Variants in MPV17L observed in about 807,000 individuals in gnomAD.
MPV17L encodes MPV17 mitochondrial inner membrane protein like.
In MPV17L, 24 loss-of-function variants were observed where a neutral mutation model predicts 25.8. That is an observed-to-expected ratio of 0.93 (90% CI 0.67 to 1.31). MPV17L has a LOEUF of 1.31. Ranked by LOEUF, MPV17L falls within the 50% of genes most tolerant of loss-of-function variation. MPV17L has a pLI of 0.00. For synonymous variants in MPV17L, 102 were observed against 115.3 expected (o/e 0.88, Z 0.74); for missense variants, 250 against 265.6 (o/e 0.94, Z 0.41).
rs1181855897 is a variant in MPV17L, at chr16:15,396,147, G to A, written c.250G>A (p.Ala84Thr). ...GGGCCGAGCGCCGCACGCCCTGCTGGCCAAGTTGCTGTGCGACCAGGTGGT... is the reference window on the plus strand; with the variant it reads ...GGGCCGAGCGCCGCACGCCCTGCTGACCAAGTTGCTGTGCGACCAGGTGGT... ...LPGRAPHALL[A>T]KLLCDQVVGA... Residue 84 changes from alanine to threonine, a missense_variant, in exon 1 of 4, where the codon GCC (alanine) becomes ACC (threonine). Transcript: ENST00000396385. 1 of 1,549,466 alleles carries A rather than the reference G, an allele frequency of 6.5e-7. No individual in the cohort carries two copies. The highest frequency in any genetic ancestry group is 2.0e-5 in the Admixed American group (1 of 51,098).
intron 1 of MPV17L, among the ~76,000 whole-genome samples, chr16:15,398,522 C>T (rs1003790600): frequency 8.6e-5 from 13 of 151,962 alleles, no homozygotes; most frequent in Non-Finnish European, 1.8e-4. Flanking sequence ...CCAGGCCAAG[C>T]TCTCTGATAC....
chr16:15,399,603 T>C (rs1016604373), intron 1 of MPV17L: 1 of 283,108 alleles, frequency 3.5e-6, no homozygotes, highest in Non-Finnish European at 7.0e-6. Flanking sequence ...GACAAGGTCT[T>C]GATATATTGC....
rs1476111816 is a variant in MPV17L, at chr16:15,409,999, C to T, written c.*1887C>T. 1 of 152,152 alleles carries T rather than the reference C, an allele frequency of 6.6e-6. No individual in the cohort carries two copies. Among genetic ancestry groups the T allele is most frequent in the Admixed American group, 6.6e-5 (1 of 15,256 alleles). 9.4% of individuals were successfully genotyped at this position (152,152 alleles called of 1,614,324 possible). On this transcript the variant is annotated 3_prime_UTR_variant, in exon 4 of 4. Coordinates refer to ENST00000396385, the MANE Select transcript of MPV17L (RefSeq NM_001128423.2). ...TGAAATAAAATACTTGGTTTCTTTTCCAATTTCACACTGATGTTATTTTGT... is the reference window on the plus strand; with the variant it reads ...TGAAATAAAATACTTGGTTTCTTTTTCAATTTCACACTGATGTTATTTTGT...
chr16:15,401,074 ATATATATATATAT>A (rs1316601843), intron 2 of MPV17L, among the ~76,000 whole-genome samples: 3 of 28,360 alleles, frequency 1.1e-4, no homozygotes, highest in Non-Finnish European at 2.0e-4. Flanking sequence ...ATATATATAT[ATATATATATATAT>A]TTTTTTTTTT....
intron 1 of MPV17L, among the ~76,000 whole-genome samples, chr16:15,396,983 A>G (rs1036296626): frequency 6.6e-6 from 1 of 152,100 alleles, no homozygotes; most frequent in African/African-American, 2.4e-5. Flanking sequence ...TACTGCATAC[A>G]ATAAGAACAA....
intron 2 of MPV17L, among the ~76,000 whole-genome samples, chr16:15,401,070 ATATATATATATATATATTTTTTTT>A (rs2050631837): frequency 3.8e-5 from 1 of 26,438 alleles, no homozygotes; most frequent in African/African-American, 9.0e-5. Flanking sequence ...ATATATATAT[ATATATATATATATATATTTTTTTT>A]TTTTTTTTTT....
chr16:15,407,968 AACAG>A lies in MPV17L; in HGVS notation c.448_451del (p.Thr150LeufsTer72). The A allele has an allele frequency of 6.2e-7, 1 of 1,613,972 alleles. No homozygotes were observed. ...TCAGCCTTGTTCCTGTTCAATGGAG[AACAG>A]CTTACGCTGGAGTCTGTGGTTTTCT... is the stretch of plus-strand genomic sequence containing the variant. On this transcript the variant is annotated frameshift_variant, in exon 4 of 4. Transcript: ENST00000396385. LOFTEE classifies it high-confidence loss of function.
intron 1 of MPV17L, among the ~76,000 whole-genome samples, chr16:15,397,634 C>G (rs567782779): frequency 6.6e-6 from 1 of 152,224 alleles, no homozygotes; most frequent in Admixed American, 6.5e-5. Context: ...GATCTCCCCC[C>G]AAATGGGAGG....
intron 2 of MPV17L, among the ~76,000 whole-genome samples, chr16:15,405,223 G>A (rs78586622): frequency 0.012 from 1,766 of 151,376 alleles, 35 homozygotes; most frequent in African/African-American, 0.041. Context: ...ATTCTGACAA[G>A]AAAAAAAACA....
intron 1 of MPV17L, among the ~76,000 whole-genome samples, chr16:15,399,860 A>G (rs1697541308): frequency 6.6e-6 from 1 of 151,962 alleles, no homozygotes; most frequent in African/African-American, 2.4e-5. Context: ...TGGGTTGTGT[A>G]GTGGTACAAT....
rs1567433833 is a variant in MPV17L, at chr16:15,407,928, T to A, written c.412-5T>A. The A allele has an allele frequency of 1.2e-6, 2 of 1,613,782 alleles. No individual in the cohort carries two copies. The highest frequency in any genetic ancestry group is 8.5e-7 in the Non-Finnish European group (1 of 1,180,016). Reference sequence around the variant, plus strand: ...TGGCCCTAACGGACTCTCTCTCTGTTCCAGCTGACCAACTTCAGCCTTGTT... The same window carrying A: ...TGGCCCTAACGGACTCTCTCTCTGTACCAGCTGACCAACTTCAGCCTTGTT... On this transcript the variant is annotated splice_region_variant and splice_polypyrimidine_tract_variant and intron_variant, in intron 3 of 3. Transcript: ENST00000396385.
intron 2 of MPV17L, among the ~76,000 whole-genome samples, chr16:15,401,111 T>TTTTTA (rs1390823386): frequency 3.2e-5 from 4 of 125,102 alleles, no homozygotes; most frequent in Non-Finnish European, 6.6e-5. Flanking sequence ...TTTTTTTTTT[T>TTTTTA]AATTAAAAAA....
At chr16:15,398,163 C>A (rs2050603343) in intron 1 of MPV17L, among the ~76,000 whole-genome samples, 1 of 152,052 alleles carries the variant, frequency 6.6e-6, no homozygotes, top group Admixed American at 6.6e-5. Flanking sequence ...CCTGCCTCAG[C>A]CTACCAAGTA....
At position 15,409,846 on chromosome 16, in the gene MPV17L, T is replaced by C. The variant is rs888642804; in HGVS notation, c.*1734T>C. 6.6e-6 allele frequency: 1 copy of C among 152,122 alleles called. No individual in the cohort carries two copies. The highest frequency in any genetic ancestry group is 2.4e-5 in the African/African-American group (1 of 41,420). 9.4% of individuals were successfully genotyped at this position (152,122 alleles called of 1,614,324 possible). ...ACATTTTTTATTATCAAAAACAGAG[T>C]AGTGTATGATTGGCGTATTCTGTGT... On this transcript the variant is annotated 3_prime_UTR_variant, in exon 4 of 4. Transcript: ENST00000396385.
chr16:15,404,466 C>T (rs2050664390), intron 2 of MPV17L, among the ~76,000 whole-genome samples: 1 of 152,098 alleles, frequency 6.6e-6, no homozygotes. Flanking sequence ...GAGGCTGAAG[C>T]AGGAGGATCC....
rs531756682 is a variant in MPV17L, at chr16:15,407,868, C to T, written c.411+15C>T. 1.6e-5 allele frequency: 26 copies of T among 1,613,176 alleles called. No homozygotes were observed. In the South Asian group the frequency reaches 2.7e-4, roughly 17 times the overall value. On this transcript the variant is annotated intron_variant, in intron 3 of 3. Transcript: ENST00000396385. ...CCTTTGTACAGGTAAGTTCCACCTA[C>T]TCAGTAATATGAACTCAGGGCTTTG...
Position 15,396,116 on chromosome 16 carries a change from G to A in MPV17L, c.219G>A (p.Ala73=). 1.3e-6 allele frequency: 2 copies of A among 1,545,468 alleles called. No homozygotes were observed. The highest frequency in any genetic ancestry group is 1.4e-5 in the African/African-American group (1 of 73,132). The part of the protein sequence containing the change: ...NYVWLRLLER[A]LPGRAPHALL... ...TGTGGCTGCGCCTGCTGGAGCGCGC[G>A]CTCCCGGGCCGAGCGCCGCACGCCC... Residue 73 remains alanine, a synonymous_variant, in exon 1 of 4, where the codon GCG becomes GCA. Transcript: ENST00000396385.
chr16:15,405,947 G>C (rs1207984153), intron 2 of MPV17L, among the ~76,000 whole-genome samples: 2 of 151,872 alleles, frequency 1.3e-5, no homozygotes, highest in East Asian at 3.9e-4. Flanking sequence ...CCAGCACGTT[G>C]GGAGGCCAAG....
rs534162456 is a variant in MPV17L, at chr16:15,412,378, C to T, written c.*4266C>T. 5 of 150,024 alleles carry T rather than the reference C, an allele frequency of 3.3e-5. No homozygotes were observed. The South Asian group carries it at 8.5e-4, about 25-fold the overall frequency. 9.3% of individuals were successfully genotyped at this position (150,024 alleles called of 1,614,324 possible). A position where few individuals can be genotyped will look rare whatever the true frequency, so the allele number is the denominator to read the frequency against. ...CCAGGAGGTGGAGGTTGCAGTGAGC[C>T]GAGATCACGCCACTGCACTCCAGGA... On this transcript the variant is annotated 3_prime_UTR_variant, in exon 4 of 4. Coordinates refer to ENST00000396385, the MANE Select transcript of MPV17L (RefSeq NM_001128423.2).
Sources: gnomAD v4.1 joint callset for allele counts (sites outside exome capture counted in the v4.1 genomes callset) on GRCh38, gnomAD v4.1.1 for gene constraint, MANE v1.5 for transcripts, NCBI Gene and HGNC (gene_info 2026-07-23, HGNC 2026-07-21) for gene names.